The following TMPRSS7 variants were observed in gnomAD, a reference collection of about 807,000 sequenced individuals.
TMPRSS7 encodes transmembrane serine protease 7.
TMPRSS7 carries 81 observed loss-of-function variants against 95.6 expected under a neutral mutation model. The ratio of observed to expected loss-of-function variants is 0.85; its 90% CI spans 0.71 to 1.02. The LOEUF (loss-of-function observed/expected upper bound fraction) is 1.02. Ranked by LOEUF, TMPRSS7 falls within the 50% of genes least tolerant of loss-of-function variation. TMPRSS7 has a pLI of 0.00. For missense variants in TMPRSS7, 945 were observed against 955.2 expected (o/e 0.99, Z 0.14); for synonymous variants, 364 against 337.8 (o/e 1.08, Z -0.85).
intron 9 of TMPRSS7, among the ~76,000 whole-genome samples, chr3:112,051,008 T>C (rs1245660080): frequency 6.6e-6 from 1 of 152,212 alleles, no homozygotes; most frequent in African/African-American, 2.4e-5. Context: ...ATTTATTTTG[T>C]TGGTATTGAA....
chr3:112,035,890 T>C (rs2073147152), intron 1 of TMPRSS7, among the ~76,000 whole-genome samples: 1 of 152,246 alleles, frequency 6.6e-6, no homozygotes, highest in South Asian at 2.1e-4. Context: ...TAATGAGTGT[T>C]CTATTTCATT....
At chr3:112,059,048 G>A (rs2073468723) in intron 10 of TMPRSS7, among the ~76,000 whole-genome samples, 1 of 152,200 alleles carries the variant, frequency 6.6e-6, no homozygotes, top group Non-Finnish European at 1.5e-5. Context: ...AATGGGGAAG[G>A]AGGAAAAAGT....
At chr3:112,062,282 T>C (rs2073518499) in intron 11 of TMPRSS7, among the ~76,000 whole-genome samples, 1 of 152,342 alleles carries the variant, frequency 6.6e-6, no homozygotes, top group South Asian at 2.1e-4. Context: ...TACACCAACA[T>C]GTAGTGGATC....
At chr3:112,076,934 A>G in exon 16 of TMPRSS7, 1 of 1,614,200 alleles carries the variant, frequency 6.2e-7, no homozygotes, top group Non-Finnish European at 8.5e-7. Context: ...GGGGAATGCC[A>G]AGTTTGTCTC....
At chr3:112,054,960 C>T (rs924887421) in intron 9 of TMPRSS7, among the ~76,000 whole-genome samples, 24 of 151,960 alleles carry the variant, frequency 1.6e-4, no homozygotes, top group Admixed American at 5.2e-4. Flanking sequence ...TGGATGGTCT[C>T]GATCTCCTGA....
chr3:112,060,887 T>G (rs925267907), intron 10 of TMPRSS7, among the ~76,000 whole-genome samples: 5 of 152,228 alleles, frequency 3.3e-5, no homozygotes, highest in Non-Finnish European at 7.3e-5. Context: ...AGATTTGCAG[T>G]AAAGACAGGC....
intron 13 of TMPRSS7, among the ~76,000 whole-genome samples, chr3:112,068,377 T>A (rs1298314076): frequency 1.3e-5 from 2 of 152,236 alleles, no homozygotes; most frequent in East Asian, 3.8e-4. Flanking sequence ...ATTGGTAGCT[T>A]GATGGAGATG....
At chr3:112,053,144 T>C (rs188038011) in intron 9 of TMPRSS7, among the ~76,000 whole-genome samples, 3,679 of 148,834 alleles carry the variant, frequency 0.025, 56 homozygotes, top group African/African-American at 0.033. Flanking sequence ...CAGTGTAAAA[T>C]TGACTTTTTT....
At chr3:112,072,224 G>C (rs934847300) in intron 13 of TMPRSS7, among the ~76,000 whole-genome samples, 8 of 152,196 alleles carry the variant, frequency 5.3e-5, no homozygotes, top group Non-Finnish European at 1.2e-4. Context: ...CAGGTCTGTT[G>C]GAGTTTGCTA....
chr3:112,039,869 C>T (rs1576095191), intron 2 of TMPRSS7: 1 of 152,320 alleles, frequency 6.6e-6, no homozygotes, highest in East Asian at 1.9e-4. Flanking sequence ...GCCTGGGGAC[C>T]TACTACTTCT....
At chr3:112,065,423 A>G (rs6769595) in intron 12 of TMPRSS7, among the ~76,000 whole-genome samples, 4,562 of 152,284 alleles carry the variant, frequency 0.03, 192 homozygotes, top group African/African-American at 0.088. Flanking sequence ...AATCTATAGT[A>G]TTCTATTTCT....
At chr3:112,063,499 A>AT (rs757096839) in intron 11 of TMPRSS7, 26 bp from the exon 12 acceptor site, 4 of 1,580,594 alleles carry the variant, frequency 2.5e-6, no homozygotes, top group Non-Finnish European at 3.5e-6. Context: ...AAGATTTTCT[A>AT]TTTTTTGATT....
At chr3:112,035,135 A>G (rs747890724) in intron 1 of TMPRSS7, among the ~76,000 whole-genome samples, 21 of 152,214 alleles carry the variant, frequency 1.4e-4, no homozygotes, top group Non-Finnish European at 2.9e-5. Flanking sequence ...CACAAATTCC[A>G]TTTTAAAATT....
intron 1 of TMPRSS7, among the ~76,000 whole-genome samples, chr3:112,037,302 A>C (rs2950213): frequency 2.0e-5 from 3 of 152,200 alleles, no homozygotes; most frequent in Non-Finnish European, 2.9e-5. Context: ...GAGACCTCTA[A>C]AATGGCCGTC....
At chr3:112,045,197 G>T (rs1205442510) in intron 4 of TMPRSS7, among the ~76,000 whole-genome samples, 3 of 152,166 alleles carry the variant, frequency 2.0e-5, no homozygotes, top group African/African-American at 7.2e-5. Context: ...GCCCAGGCTG[G>T]AGTACAATGG....
intron 9 of TMPRSS7, among the ~76,000 whole-genome samples, chr3:112,056,190 T>G (rs2073429979): frequency 6.6e-6 from 1 of 152,188 alleles, no homozygotes; most frequent in Non-Finnish European, 1.5e-5. Context: ...AGTTTCATAT[T>G]ATAGATATGC....
Position 112,080,810 on chromosome 3 carries a change from A to G in TMPRSS7, c.2362-104A>G, listed in dbSNP as rs568273573. 11 of 1,133,514 alleles carry G rather than the reference A, an allele frequency of 9.7e-6. No individual in the cohort carries two copies. The African/African-American group carries it at 1.8e-4, about 18-fold the overall frequency. 70.2% of individuals were successfully genotyped at this position (1,133,514 alleles called of 1,614,324 possible). The stretch of plus-strand genomic sequence containing the variant: ...ACAGAGTGATTAGCCAAGCAAAAAC[A>G]TGTCATTAGAGGACTCTTGAACACA... On this transcript the variant is annotated intron_variant, in intron 17 of 17. Coordinates refer to ENST00000452346, the Ensembl canonical transcript of TMPRSS7.
At chr3:112,038,241 T>C in exon 2 of TMPRSS7, 3 of 702,958 alleles carry the variant, frequency 4.3e-6, no homozygotes, top group Middle Eastern at 4.6e-4. Context: ...TTTTGGAATG[T>C]ACAAAATAAA....
In TMPRSS7 at chr3:112,049,960, T is replaced by C. The variant is rs555340043; in HGVS notation, c.1076T>C (p.Val359Ala). 7.8e-5 allele frequency: 122 copies of C among 1,569,614 alleles called. No homozygotes were observed. The African/African-American group carries it at 1.3e-3, about 17-fold the overall frequency. Residue 359 changes from valine (V) to alanine (A), a missense_variant, in exon 8 of 18, where the codon GTC (valine) becomes GCC (alanine). Physicochemically the swap from Val to Ala is moderately conservative, Grantham distance 64. Coordinates refer to ENST00000452346, the Ensembl canonical transcript of TMPRSS7. ...TCAGGAATCCGGGCATATTTTGAGGTCATTCCAGAACAAAGTAAGTCTTCC... is the reference window on the plus strand; with the variant it reads ...TCAGGAATCCGGGCATATTTTGAGGCCATTCCAGAACAAAGTAAGTCTTCC...
Sources: allele counts gnomAD v4.1 joint callset (sites outside exome capture counted in the v4.1 genomes callset), GRCh38; gene constraint gnomAD v4.1.1; transcripts MANE v1.5; gene names NCBI Gene and HGNC (gene_info 2026-07-23, HGNC 2026-07-21).